FRMD4A: variants seen among roughly 807,000 people sequenced by gnomAD.
FRMD4A encodes FERM domain-containing protein 4A.
A neutral mutation model predicts 129.1 loss-of-function variants in FRMD4A; 29 were observed. That is an observed-to-expected ratio of 0.22 (90% confidence interval 0.17 to 0.31). The LOEUF (loss-of-function observed/expected upper bound fraction) is 0.31. Ranked by LOEUF, FRMD4A falls within the 10% of genes least tolerant of loss-of-function variation. The pLI is 1.00. For missense variants in FRMD4A, 1,272 were observed against 1,375.8 expected (o/e 0.92, Z 1.19); for synonymous variants, 634 against 571.6 (o/e 1.11, Z -1.56).
At chr10:14,237,754 C>A (rs1015321801) in intron 2 of FRMD4A, among the ~76,000 whole-genome samples, 1 of 152,198 alleles carries the variant, frequency 6.6e-6, no homozygotes. Context: ...AACTGGTAGG[C>A]AAATGCTCTT....
At chr10:13,894,667 C>A (rs1188643340) in intron 2 of FRMD4A, among the ~76,000 whole-genome samples, 5 of 152,246 alleles carry the variant, frequency 3.3e-5, no homozygotes, top group Non-Finnish European at 7.3e-5. Context: ...CTGCTCCCTA[C>A]CCCACTCTTT....
chr10:14,233,531 G>C (rs1456599357), intron 2 of FRMD4A, among the ~76,000 whole-genome samples: 1 of 152,202 alleles, frequency 6.6e-6, no homozygotes, highest in Non-Finnish European at 1.5e-5. Context: ...CCGAGATTGT[G>C]CCACTGCATT....
At chr10:14,156,977 G>A (rs1228652667) in intron 2 of FRMD4A, among the ~76,000 whole-genome samples, 6 of 152,156 alleles carry the variant, frequency 3.9e-5, no homozygotes, top group South Asian at 2.1e-4. Context: ...TAAAGCAGTC[G>A]CTTTTATTGT....
intron 2 of FRMD4A, among the ~76,000 whole-genome samples, chr10:13,859,416 T>C (rs2094261795): frequency 6.6e-6 from 1 of 152,166 alleles, no homozygotes; most frequent in African/African-American, 2.4e-5. Flanking sequence ...GAGCACTTTC[T>C]ATATGCCAGG....
intron 2 of FRMD4A, among the ~76,000 whole-genome samples, chr10:14,268,172 T>C (rs1316490061): frequency 6.6e-6 from 1 of 152,212 alleles, no homozygotes; most frequent in East Asian, 1.9e-4. Flanking sequence ...TCTTTATCTA[T>C]CATCTGTCTA....
intron 2 of FRMD4A, among the ~76,000 whole-genome samples, chr10:14,006,568 G>T (rs1355974700): frequency 6.6e-6 from 1 of 151,718 alleles, no homozygotes; most frequent in Non-Finnish European, 1.5e-5. Flanking sequence ...GACTGGATTT[G>T]TGTGTGTGTG....
chr10:13,854,034 A>G (rs1380769021), intron 3 of FRMD4A, among the ~76,000 whole-genome samples: 2 of 152,018 alleles, frequency 1.3e-5, no homozygotes, highest in Admixed American at 6.5e-5. Context: ...CAAATAAGGA[A>G]GGGCCACACC....
chr10:13,801,429 T>C (rs931941133), intron 4 of FRMD4A, among the ~76,000 whole-genome samples: 1 of 152,252 alleles, frequency 6.6e-6, no homozygotes, highest in African/African-American at 2.4e-5. Context: ...GGGATCACGA[T>C]GCATGGCCTT....
intron 4 of FRMD4A, among the ~76,000 whole-genome samples, chr10:13,797,517 G>A (rs1337329482): frequency 6.6e-6 from 1 of 152,160 alleles, no homozygotes; most frequent in Non-Finnish European, 1.5e-5. Context: ...AAGCCATGAG[G>A]CTAGGGAGAG....
At chr10:13,984,633 G>GT (rs1565155432) in intron 2 of FRMD4A, among the ~76,000 whole-genome samples, 2 of 152,116 alleles carry the variant, frequency 1.3e-5, no homozygotes, top group East Asian at 1.9e-4. Context: ...CATATTATTT[G>GT]TTTTTTTGTG....
At chr10:13,891,833 G>A in intron 2 of FRMD4A, 1 of 727,694 alleles carries the variant, frequency 1.4e-6, no homozygotes, top group Non-Finnish European at 1.7e-6. Context: ...CGCCTCTCGC[G>A]CCGAGCCTGG....
chr10:13,981,472 G>A (rs886826130), intron 2 of FRMD4A, among the ~76,000 whole-genome samples: 3 of 152,082 alleles, frequency 2.0e-5, no homozygotes, highest in African/African-American at 7.2e-5. Context: ...CAGGCACGGT[G>A]GCTTACACCT....
chr10:13,842,557 C>G (rs2093983239), intron 3 of FRMD4A, among the ~76,000 whole-genome samples: 1 of 152,180 alleles, frequency 6.6e-6, no homozygotes, highest in African/African-American at 2.4e-5. Flanking sequence ...AAACATTTCC[C>G]AAGGCCACAG....
chr10:13,848,851 G>A (rs2094098540), intron 3 of FRMD4A, among the ~76,000 whole-genome samples: 1 of 152,160 alleles, frequency 6.6e-6, no homozygotes, highest in South Asian at 2.1e-4. Context: ...CGACTTAGCT[G>A]CTTGTGCTCC....
intron 12 of FRMD4A, among the ~76,000 whole-genome samples, chr10:13,734,582 G>A (rs1043638497): frequency 2.0e-5 from 3 of 151,856 alleles, no homozygotes; most frequent in Non-Finnish European, 2.9e-5. Context: ...CCATTCCTCC[G>A]TCTGCAAAAT....
At chr10:13,937,339 A>G (rs1284637913) in intron 2 of FRMD4A, among the ~76,000 whole-genome samples, 2 of 152,216 alleles carry the variant, frequency 1.3e-5, no homozygotes, top group African/African-American at 2.4e-5. Context: ...AGAAGCAGAA[A>G]GGGTCAGCAG....
At chr10:13,808,827 G>T (rs749772278) in intron 4 of FRMD4A, among the ~76,000 whole-genome samples, 1 of 152,122 alleles carries the variant, frequency 6.6e-6, no homozygotes, top group East Asian at 1.9e-4. Context: ...TAGACTCTGG[G>T]GCAGGTGATG....
chr10:14,180,440 C>T (rs1261668386), intron 2 of FRMD4A, among the ~76,000 whole-genome samples: 1 of 152,162 alleles, frequency 6.6e-6, no homozygotes, highest in South Asian at 2.1e-4. Flanking sequence ...TTGAAATGCG[C>T]ATGGGAAAGA....
chr10:14,017,123 A>G (rs1158507541), intron 2 of FRMD4A, among the ~76,000 whole-genome samples: 1 of 152,210 alleles, frequency 6.6e-6, no homozygotes, highest in Admixed American at 6.5e-5. Context: ...GCTATTCTAC[A>G]TGGTAGTAAT....
Sources: allele counts gnomAD v4.1 joint callset (sites outside exome capture counted in the v4.1 genomes callset), GRCh38; gene constraint gnomAD v4.1.1; transcripts MANE v1.5; gene names NCBI Gene and HGNC (gene_info 2026-07-23, HGNC 2026-07-21).